TTF2: variants seen among roughly 807,000 people sequenced by gnomAD.
TTF2 encodes the protein RNA polymerase II termination factor.
A neutral mutation model predicts 142.4 loss-of-function variants in TTF2; 108 were observed. The ratio of observed to expected loss-of-function variants is 0.76; its 90% CI spans 0.65 to 0.89. The LOEUF (loss-of-function observed/expected upper bound fraction) is 0.89. TTF2 is among the 40% of genes least tolerant of loss of function. TTF2 has a pLI of 0.00. For missense variants in TTF2, 1,327 were observed against 1,379.8 expected, an observed-to-expected ratio of 0.96 and a Z score of 0.61; for synonymous variants, 483 against 506.2, an observed-to-expected ratio of 0.95 and a Z score of 0.61.
At chr1:117,084,190 T>C in intron 11 of TTF2, 22 bp downstream of exon 11, 1 of 1,613,528 alleles carries the variant, frequency 6.2e-7, no homozygotes, top group Non-Finnish European at 8.5e-7. Context: ...AATACGCAGT[T>C]GTGGGGGCGT....
chr1:117,094,583 A>G (rs372379334), intron 18 of TTF2: 87 of 471,438 alleles, frequency 1.8e-4, no homozygotes, highest in African/African-American at 1.6e-3. Context: ...GTCCTTTTCA[A>G]CAACATTTGG....
Position 117,076,238 on chromosome 1 carries a change from A to C in TTF2, c.1334A>C (p.Lys445Thr). The change falls in exon 6 of 23, where the codon AAA becomes ACA. Residue 445 changes from lysine (K) to threonine (T), a missense_variant. Lys to Thr is a moderately conservative substitution (Grantham distance 78). Transcript: ENST00000369466. This position sits in a 1 kb window ranked among gnomAD's most constrained non-coding sequence, Gnocchi z 4.6. ...ALPDKGQKLI[K>T]QIQELEEVLS... is the part of the protein sequence containing the mutation. Reference sequence around the variant, plus strand: ...CCAGACAAGGGTCAGAAGTTGATCAAACAAATCCAGGAGCTGGAGGAAGTA... The same window carrying C: ...CCAGACAAGGGTCAGAAGTTGATCACACAAATCCAGGAGCTGGAGGAAGTA... The C allele has an allele frequency of 6.2e-7, 1 of 1,613,958 alleles. No individual in the cohort carries two copies.
rs969695569 is a variant in TTF2, at chr1:117,086,528, G to T, written c.2160+6G>T. ...GTGCAAACCTCAATGTGGAGGTGAG[G>T]CTGGGGGGCAGCCAGGGAAGTGGAG... is the stretch of plus-strand genomic sequence containing the variant. On this transcript the variant is annotated splice_donor_region_variant and intron_variant, in intron 12 of 22. Transcript: ENST00000369466. The surrounding 1 kb of genome is among the most constrained non-coding windows in gnomAD (Gnocchi z 4.2). The T allele has an allele frequency of 6.2e-6, 10 of 1,609,962 alleles. No individual in the cohort carries two copies. Among genetic ancestry groups the T allele is most frequent in the Non-Finnish European group, 8.5e-6 (10 of 1,176,724 alleles).
chr1:117,098,879 G>A lies in TTF2; in HGVS notation c.3316G>A (p.Gly1106Arg). Residue 1106 changes from glycine to arginine, a missense_variant, in exon 22 of 23, where the codon GGG becomes AGG. By Grantham distance (125) the Gly-to-Arg change is moderately radical. Transcript: ENST00000369466. The part of the protein sequence containing the change: ...DQACDRIYRV[G>R]QQKDVVIHRF... Reference sequence around the variant, plus strand: ...AGCTTGTGACCGAATTTACCGAGTAGGGCAGCAGAAAGATGTTGTCATACA... The same window carrying A: ...AGCTTGTGACCGAATTTACCGAGTAAGGCAGCAGAAAGATGTTGTCATACA... The A allele has an allele frequency of 6.2e-7, 1 of 1,612,536 alleles. No individual in the cohort carries two copies. The highest frequency in any genetic ancestry group is 8.5e-7 in the Non-Finnish European group (1 of 1,179,506).
chr1:117,076,007 A>G lies in TTF2; in HGVS notation c.1275+148A>G. 7.4e-7 allele frequency: 1 copy of G among 1,360,182 alleles called. No individual in the cohort carries two copies. The highest frequency in any genetic ancestry group is 9.8e-7 in the Non-Finnish European group (1 of 1,021,166). 84.3% of individuals were successfully genotyped at this position (1,360,182 alleles called of 1,614,324 possible). A position where few individuals can be genotyped will look rare whatever the true frequency, so the allele number is the denominator to read the frequency against. On this transcript the variant is annotated intron_variant, in intron 5 of 22. Coordinates refer to ENST00000369466, the MANE Select transcript of TTF2 (RefSeq NM_003594.4). The surrounding 1 kb of genome is among the most constrained non-coding windows in gnomAD (Gnocchi z 4.6). Reference sequence around the variant, plus strand: ...AGTTTCTGCCTTTTCCCCTATTTATATTTTCAAGATTGGTAAGCCAGCTGG... The same window carrying G: ...AGTTTCTGCCTTTTCCCCTATTTATGTTTTCAAGATTGGTAAGCCAGCTGG...
chr1:117,060,668 T>C, intron 2 of TTF2, 111 bp downstream of exon 2: 2 of 1,102,638 alleles, frequency 1.8e-6, no homozygotes, highest in South Asian at 3.3e-5. Flanking sequence ...GGGGCCCTAG[T>C]TTGCGGTGTC....
intron 10 of TTF2, chr1:117,082,211 T>A (rs1647579199): frequency 4.6e-6 from 2 of 434,788 alleles, no homozygotes; most frequent in Non-Finnish European, 8.4e-6. Flanking sequence ...AATTTAAGCA[T>A]AATAATAATT....
chr1:117,092,720 T>TAAA lies in TTF2; in HGVS notation c.2806-11_2806-10insAAA, dbSNP rs1648702205. Reference sequence around the variant, plus strand: ...ACTCCCAGCTGCTCCTGTCCTTTTTTGTCTGTTCAGGCCCTGGATCCAATG... The same window carrying TAAA: ...ACTCCCAGCTGCTCCTGTCCTTTTTTAAAGTCTGTTCAGGCCCTGGATCCAATG... On this transcript the variant is annotated splice_polypyrimidine_tract_variant and intron_variant, in intron 17 of 22. Transcript: ENST00000369466. The surrounding 1 kb of genome is among the most constrained non-coding windows in gnomAD (Gnocchi z 4.4). The TAAA allele has an allele frequency of 6.2e-7, 1 of 1,607,462 alleles. No individual in the cohort carries two copies. The highest frequency in any genetic ancestry group is 1.3e-5 in the African/African-American group (1 of 74,622).
In TTF2 at chr1:117,079,585, C is replaced by A; in HGVS notation, c.1719C>A (p.His573Gln). ...PAGLKVPLLL[H>Q]QKQALAWLLW... ...TTTGTCAGGTCCCTTTGCTACTACA[C>A]CAGAAGCAGGCATTGGCTTGGTTAC... Residue 573 changes from histidine (H) to glutamine (Q), a missense_variant, in exon 9 of 23, where the codon CAC becomes CAA. Physicochemically the swap from His to Gln is conservative, Grantham distance 24. Coordinates refer to ENST00000369466, the MANE Select transcript of TTF2 (RefSeq NM_003594.4). The surrounding 1 kb of genome is among the most constrained non-coding windows in gnomAD (Gnocchi z 4.2). 6 of 1,614,202 alleles carry A rather than the reference C, an allele frequency of 3.7e-6. No homozygotes were observed. The highest frequency in any genetic ancestry group is 1.1e-5 in the South Asian group (1 of 91,076).
In TTF2 at chr1:117,076,928, C is replaced by T. The variant is rs1365815646; in HGVS notation, c.1573+105C>T. 1.8e-6 allele frequency: 2 copies of T among 1,103,572 alleles called. No homozygotes were observed. The highest frequency in any genetic ancestry group is 2.5e-6 in the Non-Finnish European group (2 of 790,506). 68.4% of individuals were successfully genotyped at this position (1,103,572 alleles called of 1,614,324 possible). A position where few individuals can be genotyped will look rare whatever the true frequency, so the allele number is the denominator to read the frequency against. ...ATCCACACTTTCAGTTAACCTTAGTCACCTGTGGTTCAAAAAAAGGTGAGT... is the reference window on the plus strand; with the variant it reads ...ATCCACACTTTCAGTTAACCTTAGTTACCTGTGGTTCAAAAAAAGGTGAGT... On this transcript the variant is annotated intron_variant, in intron 7 of 22. Coordinates refer to ENST00000369466, the MANE Select transcript of TTF2 (RefSeq NM_003594.4). This position sits in a 1 kb window ranked among gnomAD's most constrained non-coding sequence, Gnocchi z 4.6.
intron 3 of TTF2, among the ~76,000 whole-genome samples, chr1:117,064,854 A>G (rs1420543095): frequency 7.2e-6 from 1 of 138,490 alleles, no homozygotes; most frequent in East Asian, 2.1e-4. Context: ...TTTTTTTAGT[A>G]GCTTTTTCAT....
intron 3 of TTF2, among the ~76,000 whole-genome samples, chr1:117,066,781 C>A (rs1013218681): frequency 6.7e-6 from 1 of 150,204 alleles, no homozygotes; most frequent in Admixed American, 6.7e-5. Flanking sequence ...CAGCTCACTG[C>A]GACCTCTGCC....
At position 117,092,360 on chromosome 1, in the gene TTF2, A is replaced by G. The variant is rs1648670969; in HGVS notation, c.2806-371A>G. Among the ~76,000 whole-genome samples the G allele has an allele frequency of 6.6e-6, 1 of 152,182 alleles. No homozygotes were observed. Among genetic ancestry groups the G allele is most frequent in the South Asian group, 2.1e-4 (1 of 4,822 alleles). ...CAGTTATAAAAACTCAGATAGTTATACAGACTGAAAAGTTGCCCCTACCTT... is the reference window on the plus strand; with the variant it reads ...CAGTTATAAAAACTCAGATAGTTATGCAGACTGAAAAGTTGCCCCTACCTT... On this transcript the variant is annotated intron_variant, in intron 17 of 22. Coordinates refer to ENST00000369466, the MANE Select transcript of TTF2 (RefSeq NM_003594.4). This position sits in a 1 kb window ranked among gnomAD's most constrained non-coding sequence, Gnocchi z 4.4.
chr1:117,073,725 C>T lies in TTF2; in HGVS notation c.283C>T (p.Gln95Ter), dbSNP rs1656770389. The stretch of plus-strand genomic sequence containing the variant: ...ACGCTGGTGTGGAAGTATTCCATGG[C>T]AGGTAGGAATTATTCATCTGTTTTC... ...GKRWCGSIPW[Q>*]DPDSKEHSVS... is the part of the protein sequence containing the mutation. The change falls in exon 4 of 23, where the codon CAG becomes TAG. Residue 95 changes from glutamine (Q) to a stop codon, truncating the protein, a stop_gained and splice_region_variant. Transcript: ENST00000369466. LOFTEE classifies it high-confidence loss of function. This position sits in a 1 kb window ranked among gnomAD's most constrained non-coding sequence, Gnocchi z 4.4. The T allele has an allele frequency of 5.0e-6, 8 of 1,611,810 alleles. No individual in the cohort carries two copies. Among genetic ancestry groups the T allele is most frequent in the Non-Finnish European group, 6.8e-6 (8 of 1,178,348 alleles).
chr1:117,091,941 A>G lies in TTF2; in HGVS notation c.2796A>G (p.Leu932=). 1 of 1,611,470 alleles carries G rather than the reference A, an allele frequency of 6.2e-7. No homozygotes were observed. Among genetic ancestry groups the G allele is most frequent in the Non-Finnish European group, 8.5e-7 (1 of 1,179,206 alleles). Residue 932 remains leucine, a synonymous_variant, in exon 17 of 23, where the codon TTA becomes TTG. Coordinates refer to ENST00000369466, the MANE Select transcript of TTF2 (RefSeq NM_003594.4). The stretch of plus-strand genomic sequence containing the variant: ...GCCAGTGTTGCTGTCATCTTTCTTT[A>G]CTGAAGTCGGTAAGAAAAGCCCTCA... ...RLRQCCCHLS[L]LKSALDPMEL... is the part of the protein sequence containing the mutation.
chr1:117,092,855 C>T lies in TTF2; in HGVS notation c.2930C>T (p.Thr977Ile). The T allele has an allele frequency of 6.2e-7, 1 of 1,614,200 alleles. No individual in the cohort carries two copies. The highest frequency in any genetic ancestry group is 1.1e-5 in the South Asian group (1 of 91,082). The part of the protein sequence containing the change: ...EPSSTVSLNG[T>I]FFKMELFEGM... ...TCTTCCACTGTTTCCCTTAACGGCA[C>T]CTTCTTCAAGATGGAGCTTTTTGAA... is the stretch of plus-strand genomic sequence containing the variant. Residue 977 changes from threonine to isoleucine, a missense_variant, in exon 18 of 23, where the codon ACC becomes ATC. Physicochemically the swap from Thr to Ile is moderately conservative, Grantham distance 89 (BLOSUM62 -1). Coordinates refer to ENST00000369466, the MANE Select transcript of TTF2 (RefSeq NM_003594.4). The surrounding 1 kb of genome is among the most constrained non-coding windows in gnomAD (Gnocchi z 4.4).
At position 117,090,668 on chromosome 1, in the gene TTF2, CCTGT is replaced by C; in HGVS notation, c.2588+48_2588+51del. On this transcript the variant is annotated intron_variant, in intron 15 of 22. Coordinates refer to ENST00000369466, the MANE Select transcript of TTF2 (RefSeq NM_003594.4). This position sits in a 1 kb window ranked among gnomAD's most constrained non-coding sequence, Gnocchi z 4.8. Reference sequence around the variant, plus strand: ...ACCTTCTCACACACATTGTTTTATTCCTGTCTTTTCTTGGGAGTGAGTTGAAGGT... The same window carrying C: ...ACCTTCTCACACACATTGTTTTATTCCTTTTCTTGGGAGTGAGTTGAAGGT... 6.6e-7 allele frequency: 1 copy of C among 1,524,670 alleles called. No homozygotes were observed. 94.4% of individuals were successfully genotyped at this position (1,524,670 alleles called of 1,614,324 possible). A position where few individuals can be genotyped will look rare whatever the true frequency, so the allele number is the denominator to read the frequency against.
At chr1:117,069,011 T>A (rs1259923297) in intron 3 of TTF2, among the ~76,000 whole-genome samples, 1 of 152,266 alleles carries the variant, frequency 6.6e-6, no homozygotes, top group Non-Finnish European at 1.5e-5. Context: ...ATTTCTCAGC[T>A]TCAGAGTTTT....
chr1:117,076,231 T>A lies in TTF2; in HGVS notation c.1327T>A (p.Leu443Met). The A allele has an allele frequency of 6.2e-7, 1 of 1,613,926 alleles. No individual in the cohort carries two copies. The highest frequency in any genetic ancestry group is 1.3e-5 in the African/African-American group (1 of 75,016). ...GGCTCTTCCAGACAAGGGTCAGAAG[T>A]TGATCAAACAAATCCAGGAGCTGGA... Reference protein sequence around the residue: ...IQALPDKGQKLIKQIQELEEV... With the variant: ...IQALPDKGQKMIKQIQELEEV... The change falls in exon 6 of 23, where the codon TTG (leucine) becomes ATG (methionine). Residue 443 changes from leucine to methionine, a missense_variant. By Grantham distance (15) the Leu-to-Met change is conservative. Transcript: ENST00000369466. The surrounding 1 kb of genome is among the most constrained non-coding windows in gnomAD (Gnocchi z 4.6).
Sources: allele counts gnomAD v4.1 joint callset (sites outside exome capture counted in the v4.1 genomes callset), GRCh38; gene constraint gnomAD v4.1.1; non-coding constraint Gnocchi (gnomAD v3.1); transcripts MANE v1.5; gene names NCBI Gene and HGNC (gene_info 2026-07-23, HGNC 2026-07-21).